The following SCML4 variants were observed in gnomAD, a reference collection of about 807,000 sequenced individuals.
SCML4 encodes the protein Scm polycomb group protein like 4.
Under a neutral mutation model 41.1 loss-of-function variants are expected in SCML4, and 34 were observed. The observed-to-expected ratio is 0.83, with a 90% CI of 0.63 to 1.10. The LOEUF (loss-of-function observed/expected upper bound fraction) is 1.10. Among genes scored for constraint, SCML4 ranks in the 50% least tolerant of loss-of-function variants. The probability of loss-of-function intolerance (pLI) is 0.00; values close to 1 mark genes in which losing one functional copy is unlikely to be tolerated. For synonymous variants in SCML4, 214 were observed against 220.9 expected (o/e 0.97, Z 0.28); for missense variants, 522 against 534.1 (o/e 0.98, Z 0.22).
At chr6:107,808,122 T>C (rs1562279476) in intron 1 of SCML4, among the ~76,000 whole-genome samples, 1 of 152,054 alleles carries the variant, frequency 6.6e-6, no homozygotes, top group Non-Finnish European at 1.5e-5. Flanking sequence ...TCTGCACTCC[T>C]CTGCAGGGGA....
chr6:107,720,818 G>A lies in SCML4; in HGVS notation c.858C>T (p.Thr286=), dbSNP rs752778843. ...TGGGGCTAGTGCGGGGACCACCAGCGGTGGCAGCAGGACCACCCCCAAGGT... is the reference window on the plus strand; with the variant it reads ...TGGGGCTAGTGCGGGGACCACCAGCAGTGGCAGCAGGACCACCCCCAAGGT... The part of the protein sequence containing the change: ...DSHLGGGPAA[T]AGGPRTSPMS... Residue 286 remains threonine (T), a synonymous_variant, in exon 6 of 8, where the codon ACC becomes ACT. Coordinates refer to ENST00000369020, the MANE Select transcript of SCML4 (RefSeq NM_198081.5). The A allele has an allele frequency of 1.5e-5, 25 of 1,613,988 alleles. No homozygotes were observed. Among genetic ancestry groups the A allele is most frequent in the Admixed American group, 5.0e-5 (3 of 60,014 alleles).
At chr6:107,789,659 C>T (rs932937591) in intron 1 of SCML4, among the ~76,000 whole-genome samples, 15 of 152,198 alleles carry the variant, frequency 9.9e-5, no homozygotes, top group Non-Finnish European at 2.1e-4. Context: ...CCAGGCCTGC[C>T]GGCCCACAGC....
At chr6:107,781,979 C>G (rs538370818) in intron 1 of SCML4, among the ~76,000 whole-genome samples, 1 of 152,186 alleles carries the variant, frequency 6.6e-6, no homozygotes. Flanking sequence ...ATTGGCTAAA[C>G]CTGTAAAAGC....
Position 107,702,195 on chromosome 6 carries a change from A to AT in SCML4, c.*3004dup, listed in dbSNP as rs976707532. Among the ~76,000 whole-genome samples the AT allele has an allele frequency of 5.3e-5, 8 of 152,334 alleles. 1 individual carries two copies. The South Asian group carries it at 1.7e-3, about 32-fold the overall frequency. ...CAGCATTTATTTTAAGAGTAATGAG[A>AT]TTTTTAAAAAGTCAAACCTTAAATA... is the stretch of plus-strand genomic sequence containing the variant. On this transcript the variant is annotated 3_prime_UTR_variant, in exon 8 of 8. Transcript: ENST00000369020.
In SCML4 at chr6:107,802,869, G is replaced by C. The variant is rs915279798; in HGVS notation, c.-60+21257C>G. Among the ~76,000 whole-genome samples, 27 of 151,918 alleles carry C rather than the reference G, an allele frequency of 1.8e-4. No individual in the cohort carries two copies. In the East Asian group the frequency reaches 5.1e-3, roughly 29 times the overall value. On this transcript the variant is annotated intron_variant, in intron 1 of 7. Coordinates refer to ENST00000369020, the MANE Select transcript of SCML4 (RefSeq NM_198081.5). Reference sequence around the variant, plus strand: ...CCTGATTCTCCTGCCTCAGCCTGCCGAGTGCCTGCGATTGCAGTCGCGCGC... The same window carrying C: ...CCTGATTCTCCTGCCTCAGCCTGCCCAGTGCCTGCGATTGCAGTCGCGCGC...
At chr6:107,834,860 G>A in the SCML4 span, among the ~76,000 whole-genome samples, 92 of 151,660 alleles carry the variant, frequency 6.1e-4, no homozygotes, top group Admixed American at 6.6e-5. Context: ...TGGGCAGATC[G>A]CCAGGAGGTC....
Position 107,755,819 on chromosome 6 carries a change from C to A in SCML4, c.157-6006G>T, listed in dbSNP as rs188091988. ...TTAGGATTAGGGTAGGGATTACACA[C>A]TGGGAGCCTAGAGCATCTTGTAATG... On this transcript the variant is annotated intron_variant, in intron 2 of 7. Coordinates refer to ENST00000369020, the MANE Select transcript of SCML4 (RefSeq NM_198081.5). Among the ~76,000 whole-genome samples the A allele has an allele frequency of 5.1e-3, 774 of 152,250 alleles. 11 individuals are homozygous for A. The East Asian group carries it at 0.063, about 12-fold the overall frequency.
chr6:107,758,209 G>T (rs1378747388), intron 2 of SCML4, among the ~76,000 whole-genome samples: 3 of 152,164 alleles, frequency 2.0e-5, no homozygotes, highest in Non-Finnish European at 4.4e-5. Context: ...AGGTGACCAG[G>T]GTAGGCCTAT....
At chr6:107,820,088 C>T (rs1347018394) in intron 1 of SCML4, among the ~76,000 whole-genome samples, 1 of 152,338 alleles carries the variant, frequency 6.6e-6, no homozygotes, top group South Asian at 2.1e-4. Flanking sequence ...CTGGTCTCCA[C>T]CCCATCCGCC....
At chr6:107,788,805 A>C (rs1782102062) in intron 1 of SCML4, among the ~76,000 whole-genome samples, 1 of 152,146 alleles carries the variant, frequency 6.6e-6, no homozygotes, top group Non-Finnish European at 1.5e-5. Context: ...CTCTTATTTC[A>C]CAAAGAAAAA....
intron 2 of SCML4, among the ~76,000 whole-genome samples, chr6:107,763,307 G>A (rs1159273094): frequency 6.6e-6 from 1 of 152,036 alleles, no homozygotes; most frequent in Non-Finnish European, 1.5e-5. Flanking sequence ...GTAGTTGGAG[G>A]TGGAGCCTTT....
At chr6:107,778,212 AAAAAAAAAAAATATATATATAT>A (rs1781144304) in intron 1 of SCML4, among the ~76,000 whole-genome samples, 1 of 7,342 alleles carries the variant, frequency 1.4e-4, no homozygotes, top group African/African-American at 2.7e-4. Context: ...AAAAAAAAAA[AAAAAAAAAAAATATATATATAT>A]ATATATATAT....
chr6:107,709,855 C>G (rs571768041), intron 6 of SCML4, among the ~76,000 whole-genome samples: 84 of 152,244 alleles, frequency 5.5e-4, no homozygotes, highest in African/African-American at 2.0e-3. Context: ...AGATTACAGG[C>G]GCCCACCATC....
Position 107,817,284 on chromosome 6 carries a change from G to T in SCML4, c.-60+6842C>A, listed in dbSNP as rs148519987. ...TTTGACCTGAACAGAGATTTGGGCT[G>T]CTTCCAGGGAAATGCATATTAGACA... On this transcript the variant is annotated intron_variant, in intron 1 of 7. Transcript: ENST00000369020. Among the ~76,000 whole-genome samples, 8 of 152,290 alleles carry T rather than the reference G, an allele frequency of 5.3e-5. No homozygotes were observed. The East Asian group carries it at 1.3e-3, about 26-fold the overall frequency.
chr6:107,826,378 C>T (rs1417413826), upstream of SCML4, among the ~76,000 whole-genome samples: 4 of 152,104 alleles, frequency 2.6e-5, no homozygotes, highest in East Asian at 1.9e-4. Flanking sequence ...TCTGTCCCAG[C>T]GACAGCGGTT....
intron 5 of SCML4, among the ~76,000 whole-genome samples, chr6:107,741,216 A>G (rs1043936791): frequency 2.0e-5 from 3 of 152,184 alleles, no homozygotes; most frequent in Non-Finnish European, 2.9e-5. Flanking sequence ...TCAAATATGA[A>G]GAGGAGACAG....
intron 1 of SCML4, among the ~76,000 whole-genome samples, chr6:107,818,496 A>C (rs977108317): frequency 6.6e-6 from 1 of 152,248 alleles, no homozygotes; most frequent in African/African-American, 2.4e-5. Context: ...TAATTGTTTG[A>C]TAAAGCCTTG....
Position 107,736,564 on chromosome 6 carries a change from G to A in SCML4, c.682+8385C>T, listed in dbSNP as rs192631382. On this transcript the variant is annotated intron_variant, in intron 5 of 7. Transcript: ENST00000369020. ...TGTGCGCCTCGCTGCATTACCAACA[G>A]GGGAGCTCAGCACTATCTGCCAACT... Among the ~76,000 whole-genome samples the A allele has an allele frequency of 3.9e-5, 6 of 152,320 alleles. No homozygotes were observed. In the East Asian group the frequency reaches 1.2e-3, roughly 29 times the overall value.
rs1781125941 is a variant in SCML4 at position 107,778,207 on chromosome 6, AAAAAAAAAAAAAAAAATATATATAT to A, written c.-59-5846_-59-5822del. Among the ~76,000 whole-genome samples, 2 of 11,134 alleles carry A rather than the reference AAAAAAAAAAAAAAAAATATATATAT, an allele frequency of 1.8e-4. 1 individual carries two copies. 7.3% of individuals were successfully genotyped at this position (11,134 alleles called of 152,430 possible). A position where few individuals can be genotyped will look rare whatever the true frequency, so the allele number is the denominator to read the frequency against. The stretch of plus-strand genomic sequence containing the variant: ...GCGAGACTCTATCTCAAAAAAAAAA[AAAAAAAAAAAAAAAAATATATATAT>A]ATATATATATATATATATATATATA... On this transcript the variant is annotated intron_variant, in intron 1 of 7. Coordinates refer to ENST00000369020, the MANE Select transcript of SCML4 (RefSeq NM_198081.5).
Sources: allele counts gnomAD v4.1 joint callset (sites outside exome capture counted in the v4.1 genomes callset), GRCh38; gene constraint gnomAD v4.1.1; transcripts MANE v1.5; gene names NCBI Gene and HGNC (gene_info 2026-07-23, HGNC 2026-07-21).